BLTP1: variants seen among roughly 807,000 people sequenced by gnomAD.
BLTP1 encodes bridge-like lipid transfer protein family member 1.
chr4:122,234,186 A>G, the BLTP1 span: 3 of 580,018 alleles, frequency 5.2e-6, no homozygotes, highest in South Asian at 2.3e-4. Flanking sequence ...AAGTTTACAT[A>G]CATTTTTAAT....
At chr4:122,250,617 A>G in the BLTP1 span, 1 of 1,570,096 alleles carries the variant, frequency 6.4e-7, no homozygotes, top group Non-Finnish European at 8.7e-7. Flanking sequence ...CTTTAGAAAA[A>G]TAACAAAGAA....
chr4:122,244,733 G>A, the BLTP1 span: 1 of 548,760 alleles, frequency 1.8e-6, no homozygotes, highest in South Asian at 8.0e-5. Flanking sequence ...CTTATGATAT[G>A]TCATATAAAT....
chr4:122,272,053 G>A, the BLTP1 span: 1 of 1,339,964 alleles, frequency 7.5e-7, no homozygotes, highest in Non-Finnish European at 1.0e-6. Flanking sequence ...AGGAGAAAGA[G>A]GACTGGTTGG....
At chr4:122,357,568 C>CAA in the BLTP1 span, among the ~76,000 whole-genome samples, 54 of 80,336 alleles carry the variant, frequency 6.7e-4, no homozygotes, top group Middle Eastern at 8.2e-3. Context: ...GATCCTGTCT[C>CAA]AAAAAAAAAA....
the BLTP1 span, chr4:122,238,431 C>A: frequency 9.3e-7 from 1 of 1,076,900 alleles, no homozygotes; most frequent in Non-Finnish European, 1.4e-6. Context: ...AAACTTCTTC[C>A]CTCTCCACTC....
At chr4:122,336,459 ATAAATGT>A in the BLTP1 span, 2 of 787,328 alleles carry the variant, frequency 2.5e-6, no homozygotes, top group Non-Finnish European at 3.7e-6. Flanking sequence ...ATATGCAATT[ATAAATGT>A]TAAAGAATTA....
chr4:122,346,538 G>T, the BLTP1 span: 1 of 1,490,472 alleles, frequency 6.7e-7, no homozygotes, highest in Non-Finnish European at 8.9e-7. Flanking sequence ...TAATTCAGCT[G>T]TGTAATAACC....
At chr4:122,222,952 C>T in the BLTP1 span, 4 of 944,656 alleles carry the variant, frequency 4.2e-6, no homozygotes, top group South Asian at 2.0e-4. Context: ...TTAGGAAAGC[C>T]CAAGATCCAC....
the BLTP1 span, chr4:122,270,456 C>T: frequency 8.9e-6 from 5 of 560,894 alleles, no homozygotes; most frequent in Admixed American, 6.4e-5. Flanking sequence ...AATAGTCTTA[C>T]ATGAAAATCT....
the BLTP1 span, chr4:122,215,445 T>C: frequency 3.8e-5 from 37 of 985,324 alleles, no homozygotes; most frequent in Non-Finnish European, 3.9e-5. Flanking sequence ...CATGTTAGTA[T>C]GCTGAAACCT....
chr4:122,359,211 C>T, the BLTP1 span: 8 of 462,654 alleles, frequency 1.7e-5, no homozygotes, highest in Non-Finnish European at 2.3e-5. Context: ...ACATTGTGCA[C>T]ATGTACCCTA....
At chr4:122,286,582 T>C in the BLTP1 span, 1 of 1,614,052 alleles carries the variant, frequency 6.2e-7, no homozygotes, top group Non-Finnish European at 8.5e-7. Context: ...AAATCACAGA[T>C]TGCGTTTTAC....
At chr4:122,231,070 A>G in the BLTP1 span, among the ~76,000 whole-genome samples, 1 of 152,196 alleles carries the variant, frequency 6.6e-6, no homozygotes, top group African/African-American at 2.4e-5. Context: ...CTTATATTAA[A>G]TATTTAGATT....
chr4:122,189,066 A>G, the BLTP1 span: 2 of 984,172 alleles, frequency 2.0e-6, no homozygotes, highest in Non-Finnish European at 2.4e-6. Context: ...GTGAAGGTAT[A>G]ATACTGAATA....
At chr4:122,172,236 T>C in the BLTP1 span, 6 of 616,426 alleles carry the variant, frequency 9.7e-6, no homozygotes, top group East Asian at 5.6e-4. Context: ...AAGGACTTAA[T>C]ATGATGTTAC....
the BLTP1 span, among the ~76,000 whole-genome samples, chr4:122,153,425 G>T: frequency 2.6e-5 from 4 of 152,084 alleles, no homozygotes; most frequent in African/African-American, 9.7e-5. Context: ...ATAATTATGT[G>T]CATATATTAT....
At chr4:122,294,692 G>C in the BLTP1 span, among the ~76,000 whole-genome samples, 13 of 152,284 alleles carry the variant, frequency 8.5e-5, no homozygotes, top group South Asian at 1.0e-3. Flanking sequence ...AACTCAAAAA[G>C]CCAGAGTGTC....
chr4:122,286,921 C>T, the BLTP1 span: 2 of 733,890 alleles, frequency 2.7e-6, no homozygotes, highest in Non-Finnish European at 4.3e-6. Context: ...AATTCTATAC[C>T]AAATCAAGTG....
chr4:122,160,877 A>C, the BLTP1 span, among the ~76,000 whole-genome samples: 3 of 151,422 alleles, frequency 2.0e-5, no homozygotes, highest in Non-Finnish European at 4.4e-5. Context: ...AACCCTACAC[A>C]AATTATCTGA....
Sources: gnomAD v4.1 joint callset for allele counts (sites outside exome capture counted in the v4.1 genomes callset) on GRCh38, gnomAD v4.1.1 for gene constraint, MANE v1.5 for transcripts, NCBI Gene and HGNC (gene_info 2026-07-23, HGNC 2026-07-21) for gene names.